Variants in CERS3 observed in about 807,000 individuals in gnomAD.
CERS3 encodes ceramide synthase 3.
Under a neutral mutation model 50.3 loss-of-function variants are expected in CERS3, and 33 were observed. The observed-to-expected ratio is 0.66, with a 90% CI of 0.50 to 0.88. The LOEUF (loss-of-function observed/expected upper bound fraction) is 0.88. Among genes scored for constraint, CERS3 ranks in the 40% least tolerant of loss-of-function variants. CERS3 has a pLI of 0.00. For missense variants in CERS3, 470 were observed against 460.3 expected (o/e 1.02, Z -0.19); for synonymous variants, 176 against 155.2 (o/e 1.13, Z -0.99).
At chr15:100,542,597 A>G (rs1299299135) in intron 1 of CERS3, among the ~76,000 whole-genome samples, 1 of 152,218 alleles carries the variant, frequency 6.6e-6, no homozygotes, top group Non-Finnish European at 1.5e-5. Context: ...TGCATAAAAT[A>G]CCACTGAACT....
intron 4 of CERS3, among the ~76,000 whole-genome samples, chr15:100,487,419 C>G (rs768323578): frequency 6.6e-6 from 1 of 152,204 alleles, no homozygotes; most frequent in Non-Finnish European, 1.5e-5. Context: ...TAATTATGCT[C>G]AATTCACAGA....
intron 11 of CERS3, among the ~76,000 whole-genome samples, chr15:100,409,048 A>G (rs2031275531): frequency 6.6e-6 from 1 of 152,136 alleles, no homozygotes; most frequent in African/African-American, 2.4e-5. Context: ...AGTAGGCTGC[A>G]CAAATACTTG....
At chr15:100,514,880 A>G (rs1189267534) in intron 2 of CERS3, among the ~76,000 whole-genome samples, 2 of 152,236 alleles carry the variant, frequency 1.3e-5, no homozygotes, top group Non-Finnish European at 2.9e-5. Context: ...GTTATCACTG[A>G]TTCAACATTA....
intron 2 of CERS3, among the ~76,000 whole-genome samples, chr15:100,505,466 T>A (rs946901062): frequency 6.6e-6 from 1 of 152,176 alleles, no homozygotes; most frequent in African/African-American, 2.4e-5. Context: ...GAGGATGACC[T>A]CTTGGAAAAT....
intron 2 of CERS3, among the ~76,000 whole-genome samples, chr15:100,517,685 T>C (rs1249161443): frequency 6.6e-6 from 1 of 152,144 alleles, no homozygotes; most frequent in African/African-American, 2.4e-5. Flanking sequence ...GTGTTTCTTA[T>C]GTAATGTTTG....
At chr15:100,490,370 A>T (rs73473840) in intron 4 of CERS3, among the ~76,000 whole-genome samples, 3,407 of 152,240 alleles carry the variant, frequency 0.022, 133 homozygotes, top group African/African-American at 0.078. Flanking sequence ...ATAAAATAAC[A>T]GTCCTACTCA....
intron 4 of CERS3, 160 bp downstream of exon 4, chr15:100,490,657 T>G (rs2035622994): frequency 1.7e-6 from 1 of 588,202 alleles, no homozygotes; most frequent in Non-Finnish European, 3.0e-6. Flanking sequence ...TGGGATGTTC[T>G]AAACCTGTCA....
intron 5 of CERS3, 50 bp downstream of exon 5, chr15:100,484,500 A>C (rs2035428097): frequency 1.6e-6 from 2 of 1,266,016 alleles, no homozygotes; most frequent in South Asian, 2.4e-5. Flanking sequence ...AGGACCACTC[A>C]GCTCCAGATA....
At chr15:100,438,890 A>T (rs1421842437) in intron 11 of CERS3, among the ~76,000 whole-genome samples, 1 of 152,268 alleles carries the variant, frequency 6.6e-6, no homozygotes, top group East Asian at 1.9e-4. Context: ...AGAGAATAAA[A>T]GCTTAAGGAT....
At chr15:100,475,404 C>T (rs537458589) in intron 8 of CERS3, among the ~76,000 whole-genome samples, 7 of 152,156 alleles carry the variant, frequency 4.6e-5, no homozygotes, top group Non-Finnish European at 7.3e-5. Flanking sequence ...CTTTTATTTA[C>T]GGTGTAGTTT....
intron 5 of CERS3, 93 bp downstream of exon 5, chr15:100,484,457 T>C: frequency 1.1e-6 from 1 of 879,200 alleles, no homozygotes; most frequent in Non-Finnish European, 1.9e-6. Flanking sequence ...GTCTGAACCC[T>C]CCCTCTGCTG....
At chr15:100,440,899 A>G (rs192530604) in intron 11 of CERS3, among the ~76,000 whole-genome samples, 299 of 152,306 alleles carry the variant, frequency 2.0e-3, no homozygotes, top group African/African-American at 6.8e-3. Flanking sequence ...CAAAGGAGAC[A>G]TGTTTTATCC....
chr15:100,542,583 T>G (rs917999590), intron 1 of CERS3, among the ~76,000 whole-genome samples: 2 of 152,170 alleles, frequency 1.3e-5, no homozygotes. Flanking sequence ...ATGGAGCTAA[T>G]TAGTGCATAA....
chr15:100,411,165 T>C (rs2031457407), intron 11 of CERS3, among the ~76,000 whole-genome samples: 1 of 152,216 alleles, frequency 6.6e-6, no homozygotes, highest in Non-Finnish European at 1.5e-5. Flanking sequence ...TTTTGTTTTC[T>C]GTTTTTTTTC....
At chr15:100,510,039 A>AAT (rs60117724) in intron 2 of CERS3, among the ~76,000 whole-genome samples, 3 of 151,622 alleles carry the variant, frequency 2.0e-5, no homozygotes, top group African/African-American at 7.3e-5. Context: ...AAAAAAAAAA[A>AAT]TAGTATGTCT....
chr15:100,439,298 C>T (rs2033570558), intron 11 of CERS3, among the ~76,000 whole-genome samples: 1 of 152,176 alleles, frequency 6.6e-6, no homozygotes, highest in Admixed American at 6.5e-5. Flanking sequence ...AAAGTATAAT[C>T]ACCTTCTTTT....
intron 4 of CERS3, among the ~76,000 whole-genome samples, chr15:100,489,236 G>T (rs919648891): frequency 6.6e-6 from 1 of 152,192 alleles, no homozygotes; most frequent in African/African-American, 2.4e-5. Context: ...ACTGTAGCAT[G>T]GTGGAAAGGT....
At chr15:100,510,760 C>T (rs965889533) in intron 2 of CERS3, among the ~76,000 whole-genome samples, 7 of 152,130 alleles carry the variant, frequency 4.6e-5, no homozygotes, top group East Asian at 1.9e-4. Flanking sequence ...AGGACAGGAG[C>T]GATTTTTAAA....
chr15:100,410,187 C>G (rs1028353147), intron 11 of CERS3, among the ~76,000 whole-genome samples: 3 of 152,160 alleles, frequency 2.0e-5, no homozygotes, highest in Non-Finnish European at 4.4e-5. Context: ...GTCTCTGCCC[C>G]CAACGACTCC....
Sources: allele counts gnomAD v4.1 joint callset (sites outside exome capture counted in the v4.1 genomes callset), GRCh38; gene constraint gnomAD v4.1.1; transcripts MANE v1.5; gene names NCBI Gene and HGNC (gene_info 2026-07-23, HGNC 2026-07-21).